The following VWC2 variants were observed in gnomAD, a reference collection of about 807,000 sequenced individuals.
VWC2 encodes the protein von Willebrand factor C domain containing 2.
VWC2 carries 14 observed loss-of-function variants against 29.8 expected under a neutral mutation model. The ratio of observed to expected loss-of-function variants is 0.47; its 90% CI spans 0.31 to 0.74. VWC2 has a LOEUF of 0.74. VWC2 is among the 30% of genes least tolerant of loss of function. The probability of loss-of-function intolerance (pLI) is 0.05; values close to 1 mark genes in which losing one functional copy is unlikely to be tolerated. For missense variants in VWC2, 457 were observed against 459.8 expected, an observed-to-expected ratio of 0.99 and a Z score of 0.05; for synonymous variants, 213 against 199.0, an observed-to-expected ratio of 1.07 and a Z score of -0.59.
intron 3 of VWC2, among the ~76,000 whole-genome samples, chr7:49,837,564 G>A (rs998514706): frequency 7.9e-5 from 12 of 152,196 alleles, no homozygotes; most frequent in African/African-American, 1.2e-4. Flanking sequence ...GACTCAGGAC[G>A]TCTGATCAGT....
At chr7:49,776,248 A>G (rs1417618409) in intron 2 of VWC2, 117 bp downstream of exon 2, 17 of 911,088 alleles carry the variant, frequency 1.9e-5, no homozygotes, top group Admixed American at 1.2e-4. Context: ...AGAGGTGGAG[A>G]GCACTGTGCT....
chr7:49,879,184 A>G (rs985351383), intron 3 of VWC2, among the ~76,000 whole-genome samples: 13 of 152,080 alleles, frequency 8.5e-5, no homozygotes, highest in African/African-American at 3.1e-4. Flanking sequence ...GATTCTCTAT[A>G]GTTTTCAGTT....
chr7:49,836,679 A>AATAC (rs1053472139), intron 3 of VWC2, among the ~76,000 whole-genome samples: 4 of 150,280 alleles, frequency 2.7e-5, no homozygotes, highest in South Asian at 2.1e-4. Context: ...TAAATAAATA[A>AATAC]ATACAAAAAA....
chr7:49,909,734 A>T (rs1323950138), intron 3 of VWC2, among the ~76,000 whole-genome samples: 1 of 152,138 alleles, frequency 6.6e-6, no homozygotes, highest in Non-Finnish European at 1.5e-5. Context: ...CAGATGAATG[A>T]TTGTTGGGTT....
intron 2 of VWC2, among the ~76,000 whole-genome samples, chr7:49,784,709 T>C (rs550477446): frequency 6.6e-6 from 1 of 152,364 alleles, no homozygotes; most frequent in Admixed American, 6.5e-5. Context: ...CTCTTATGGA[T>C]GTGGAGCCCA....
chr7:49,897,800 T>TA lies in VWC2; in HGVS notation c.827-14228dup, dbSNP rs566915672. Among the ~76,000 whole-genome samples the TA allele has an allele frequency of 1.6e-3, 249 of 152,290 alleles. 3 individuals are homozygous for TA. Among genetic ancestry groups the TA allele is most frequent in the African/African-American group, 5.6e-3 (232 of 41,550 alleles). ...GAAGTTTGCTGGACAAGCTTGAAAGTAAAAAACTCCACAGGGATTCAGTCA... is the reference window on the plus strand; with the variant it reads ...GAAGTTTGCTGGACAAGCTTGAAAGTAAAAAAACTCCACAGGGATTCAGTCA... On this transcript the variant is annotated intron_variant, in intron 3 of 3. Coordinates refer to ENST00000340652, the MANE Select transcript of VWC2 (RefSeq NM_198570.5).
chr7:49,835,481 G>A (rs1345164454), intron 3 of VWC2, among the ~76,000 whole-genome samples: 5 of 152,108 alleles, frequency 3.3e-5, no homozygotes, highest in Non-Finnish European at 7.4e-5. Flanking sequence ...TGTTAAAGAG[G>A]GCAAGACAGA....
intron 2 of VWC2, among the ~76,000 whole-genome samples, chr7:49,801,554 T>C (rs915723186): frequency 5.3e-5 from 8 of 152,208 alleles, no homozygotes; most frequent in Non-Finnish European, 8.8e-5. Context: ...TGGGAATGGC[T>C]GGTATGCTTG....
chr7:49,881,066 T>C (rs1217508316), intron 3 of VWC2, among the ~76,000 whole-genome samples: 3 of 152,176 alleles, frequency 2.0e-5, no homozygotes, highest in Non-Finnish European at 1.5e-5. Flanking sequence ...TTGGCCAATA[T>C]CTTGCCCTAT....
At chr7:49,896,911 C>T (rs1269302641) in intron 3 of VWC2, among the ~76,000 whole-genome samples, 2 of 116,062 alleles carry the variant, frequency 1.7e-5, no homozygotes, top group African/African-American at 3.4e-5. Context: ...TTTTTTGAGA[C>T]GGAGTCTCGC....
chr7:49,787,466 A>T (rs913241004), intron 2 of VWC2, among the ~76,000 whole-genome samples: 1 of 152,236 alleles, frequency 6.6e-6, no homozygotes, highest in Non-Finnish European at 1.5e-5. Context: ...GCCAGGAGCT[A>T]AACCTCCCCA....
intron 3 of VWC2, among the ~76,000 whole-genome samples, chr7:49,843,458 G>A (rs1464210142): frequency 1.3e-5 from 2 of 152,160 alleles, no homozygotes; most frequent in East Asian, 1.9e-4. Context: ...AAATGAAAGG[G>A]TCTACCATTA....
chr7:49,824,346 T>C (rs1789342011), intron 3 of VWC2, among the ~76,000 whole-genome samples: 2 of 152,352 alleles, frequency 1.3e-5, no homozygotes, highest in South Asian at 2.1e-4. Context: ...CTTTTTCCTA[T>C]TGAATTATCT....
chr7:49,893,484 T>C (rs942497630), intron 3 of VWC2, among the ~76,000 whole-genome samples: 1 of 152,228 alleles, frequency 6.6e-6, no homozygotes, highest in African/African-American at 2.4e-5. Context: ...TTAAAAACTT[T>C]TGCTCATTTG....
At chr7:49,792,585 C>G (rs2128704089) in intron 2 of VWC2, among the ~76,000 whole-genome samples, 1 of 152,320 alleles carries the variant, frequency 6.6e-6, no homozygotes, top group Admixed American at 6.5e-5. Flanking sequence ...AGAGCTGCTT[C>G]TCTTCCTGAG....
chr7:49,878,671 C>A (rs750612415), intron 3 of VWC2, among the ~76,000 whole-genome samples: 1 of 152,060 alleles, frequency 6.6e-6, no homozygotes, highest in African/African-American at 2.4e-5. Context: ...TTTCTCTTAT[C>A]TGTGGTTCAA....
At chr7:49,911,958 GT>G (rs1793476282) in intron 3 of VWC2, 75 bp from the exon 4 acceptor site, 1 of 546,422 alleles carries the variant, frequency 1.8e-6, no homozygotes, top group East Asian at 5.9e-5. Context: ...TATATATACT[GT>G]AATGCTTAAT....
Position 49,779,688 on chromosome 7 carries a change from A to T in VWC2, c.696+3557A>T, listed in dbSNP as rs193063296. Among the ~76,000 whole-genome samples the T allele has an allele frequency of 5.3e-5, 8 of 152,264 alleles. No individual in the cohort carries two copies. The East Asian group carries it at 1.4e-3, about 26-fold the overall frequency. On this transcript the variant is annotated intron_variant, in intron 2 of 3. Transcript: ENST00000340652. ...AGAGCAAAGTAACACAGACTGGGTAATTTAAACAGAAATTTGTTGTCTTGG... is the reference window on the plus strand; with the variant it reads ...AGAGCAAAGTAACACAGACTGGGTATTTTAAACAGAAATTTGTTGTCTTGG...
intron 3 of VWC2, among the ~76,000 whole-genome samples, chr7:49,890,266 T>C (rs1283276277): frequency 6.6e-6 from 1 of 152,344 alleles, no homozygotes; most frequent in East Asian, 1.9e-4. Context: ...TTTGAAATTC[T>C]ATTATATAAA....
Sources: allele counts gnomAD v4.1 joint callset (sites outside exome capture counted in the v4.1 genomes callset), GRCh38; gene constraint gnomAD v4.1.1; transcripts MANE v1.5; gene names NCBI Gene and HGNC (gene_info 2026-07-23, HGNC 2026-07-21).